Variants in KDM4B observed in about 807,000 individuals in gnomAD.
KDM4B encodes lysine demethylase 4B.
Under a neutral mutation model 125.2 loss-of-function variants are expected in KDM4B, and 32 were observed. The ratio of observed to expected loss-of-function variants is 0.26; its 90% CI spans 0.19 to 0.34. The LOEUF (loss-of-function observed/expected upper bound fraction) is 0.34. Among genes scored for constraint, KDM4B ranks in the 10% least tolerant of loss-of-function variants. The probability of loss-of-function intolerance (pLI) is 1.00; values close to 1 mark genes in which losing one functional copy is unlikely to be tolerated. For missense variants in KDM4B, 1,190 were observed against 1,577.7 expected, an observed-to-expected ratio of 0.75 and a Z score of 4.16; for synonymous variants, 721 against 677.9, an observed-to-expected ratio of 1.06 and a Z score of -0.99.
At position 4,996,043 on chromosome 19, in the gene KDM4B, T is replaced by G. The variant is rs1000812445; in HGVS notation, c.-108-20214T>G. Reference sequence around the variant, plus strand: ...TCTCGCTCTGTCGCCCAGGCTGGCCTGCAGTGGTGTGATCTCAGCTCACCG... The same window carrying G: ...TCTCGCTCTGTCGCCCAGGCTGGCCGGCAGTGGTGTGATCTCAGCTCACCG... On this transcript the variant is annotated intron_variant, in intron 1 of 22. Coordinates refer to ENST00000159111, the MANE Select transcript of KDM4B (RefSeq NM_015015.3). 8.5e-5 allele frequency among the ~76,000 whole-genome samples: 13 copies of G among 152,356 alleles called. No homozygotes were observed. The East Asian group carries it at 2.5e-3, about 29-fold the overall frequency.
intron 2 of KDM4B, among the ~76,000 whole-genome samples, chr19:5,020,296 T>TG (rs1378040360): frequency 1.3e-5 from 2 of 150,720 alleles, no homozygotes; most frequent in African/African-American, 4.9e-5. Context: ...TAGATGTTGG[T>TG]GTGCAGGTGT....
rs2038196957 is a variant in KDM4B at position 5,078,669 on chromosome 19, A to G, written c.780+1199A>G. On this transcript the variant is annotated intron_variant, in intron 8 of 22. Coordinates refer to ENST00000159111, the MANE Select transcript of KDM4B (RefSeq NM_015015.3). The surrounding 1 kb of genome is among the most constrained non-coding windows in gnomAD (Gnocchi z 4.5). The stretch of plus-strand genomic sequence containing the variant: ...TGGTGCTTCCTGGAGGGGGGTGCCC[A>G]TCGAAGGGGTGGGCAGGCAGTGAGT... The G allele has an allele frequency of 6.6e-6, 1 of 152,244 alleles. No homozygotes were observed. Among genetic ancestry groups the G allele is most frequent in the South Asian group, 2.1e-4 (1 of 4,824 alleles). 9.4% of individuals were successfully genotyped at this position (152,244 alleles called of 1,614,324 possible).
Position 5,081,903 on chromosome 19 carries a change from G to A in KDM4B, c.781-464G>A, listed in dbSNP as rs1037629273. On this transcript the variant is annotated intron_variant, in intron 8 of 22. Coordinates refer to ENST00000159111, the MANE Select transcript of KDM4B (RefSeq NM_015015.3). The surrounding 1 kb of genome is among the most constrained non-coding windows in gnomAD (Gnocchi z 4.2). Reference sequence around the variant, plus strand: ...TCTAAAGCTGCTGTCAGCACCACCCGCCCCGAAACCAGCCCCAGCTGCTTC... The same window carrying A: ...TCTAAAGCTGCTGTCAGCACCACCCACCCCGAAACCAGCCCCAGCTGCTTC... 3.9e-5 allele frequency among the ~76,000 whole-genome samples: 6 copies of A among 152,152 alleles called. No homozygotes were observed. The highest frequency in any genetic ancestry group is 9.7e-5 in the African/African-American group (4 of 41,432).
intron 6 of KDM4B, among the ~76,000 whole-genome samples, chr19:5,070,029 G>C (rs1254360819): frequency 6.6e-6 from 1 of 152,114 alleles, no homozygotes; most frequent in Non-Finnish European, 1.5e-5. Context: ...GTCTCGGGGA[G>C]AGACCATATC....
At position 5,090,152 on chromosome 19, in the gene KDM4B, C is replaced by T. The variant is rs556563133; in HGVS notation, c.918+7648C>T. 2.0e-5 allele frequency among the ~76,000 whole-genome samples: 3 copies of T among 152,304 alleles called. No homozygotes were observed. The East Asian group carries it at 5.8e-4, about 29-fold the overall frequency. On this transcript the variant is annotated intron_variant, in intron 9 of 22. Coordinates refer to ENST00000159111, the MANE Select transcript of KDM4B (RefSeq NM_015015.3). ...AGCCCAGCCCAGCATTGCTGAGCGCCTGCCGTGTGCAGGGGAGGGGTCCTA... is the reference window on the plus strand; with the variant it reads ...AGCCCAGCCCAGCATTGCTGAGCGCTTGCCGTGTGCAGGGGAGGGGTCCTA...
At chr19:5,147,543 G>A (rs145658580) in intron 21 of KDM4B, among the ~76,000 whole-genome samples, 99 of 152,134 alleles carry the variant, frequency 6.5e-4, no homozygotes, top group African/African-American at 2.3e-3. Flanking sequence ...ACAGGGGTTC[G>A]AGACCAGCCT....
chr19:5,077,240 C>T (rs1370878253), intron 7 of KDM4B, 127 bp from the exon 8 acceptor site: 13 of 765,148 alleles, frequency 1.7e-5, no homozygotes, highest in Admixed American at 1.1e-4. Context: ...AGATCTGGGC[C>T]GTGCTCTGTG....
intron 15 of KDM4B, among the ~76,000 whole-genome samples, chr19:5,135,885 G>A (rs933346645): frequency 1.3e-5 from 2 of 152,218 alleles, no homozygotes; most frequent in African/African-American, 4.8e-5. Context: ...CCCAGGTGCT[G>A]GCCTCTGGTG....
At chr19:5,123,310 G>A (rs887221301) in intron 11 of KDM4B, among the ~76,000 whole-genome samples, 1 of 152,246 alleles carries the variant, frequency 6.6e-6, no homozygotes, top group Non-Finnish European at 1.5e-5. Context: ...TCACGGTCCA[G>A]GTGTCAGCCG....
chr19:5,036,137 G>A (rs911699998), intron 3 of KDM4B, among the ~76,000 whole-genome samples: 1 of 152,216 alleles, frequency 6.6e-6, no homozygotes, highest in African/African-American at 2.4e-5. Flanking sequence ...GTGCCCTGCT[G>A]GTTCTGAGCG....
At chr19:4,975,985 C>A (rs938147555) in intron 1 of KDM4B, among the ~76,000 whole-genome samples, 1 of 151,396 alleles carries the variant, frequency 6.6e-6, no homozygotes, top group Admixed American at 6.6e-5. Context: ...TGCGGTGGCT[C>A]ACGCCTGTAA....
intron 1 of KDM4B, among the ~76,000 whole-genome samples, chr19:4,993,187 A>G (rs570866686): frequency 1.8e-3 from 271 of 152,258 alleles, no homozygotes; most frequent in African/African-American, 6.1e-3. Flanking sequence ...AGGTGAGTGG[A>G]TCACCTGAGG....
At chr19:5,010,401 G>A (rs925956826) in intron 1 of KDM4B, among the ~76,000 whole-genome samples, 4 of 152,152 alleles carry the variant, frequency 2.6e-5, no homozygotes, top group Admixed American at 6.5e-5. Flanking sequence ...TGGCTGAGGC[G>A]TCGGTCAAGT....
intron 2 of KDM4B, among the ~76,000 whole-genome samples, chr19:5,016,969 G>T (rs1432922573): frequency 6.6e-6 from 1 of 152,238 alleles, no homozygotes; most frequent in Admixed American, 6.5e-5. Context: ...CCAGTGGAGG[G>T]TGTCAAGTGT....
At position 5,035,534 on chromosome 19, in the gene KDM4B, C is replaced by G. The variant is rs12976328; in HGVS notation, c.141+2503C>G. ...GGTTCCCGGGTGGCCTGTCCTCCCC[C>G]GCGCTGGCACCTCCGCTTCGTCCCT... On this transcript the variant is annotated intron_variant, in intron 3 of 22. Coordinates refer to ENST00000159111, the MANE Select transcript of KDM4B (RefSeq NM_015015.3). The surrounding 1 kb of genome is among the most constrained non-coding windows in gnomAD (Gnocchi z 5.3). Among the ~76,000 whole-genome samples the G allele has an allele frequency of 5.3e-5, 8 of 152,108 alleles. No homozygotes were observed. Among genetic ancestry groups the G allele is most frequent in the Non-Finnish European group, 1.0e-4 (7 of 68,002 alleles).
At chr19:5,083,243 C>A (rs773473779) in intron 9 of KDM4B, among the ~76,000 whole-genome samples, 1 of 152,194 alleles carries the variant, frequency 6.6e-6, no homozygotes, top group Non-Finnish European at 1.5e-5. Flanking sequence ...CTCGACCATG[C>A]GGAGGGTGTG....
Position 4,983,049 on chromosome 19 carries a change from C to G in KDM4B, c.-109+13819C>G, listed in dbSNP as rs1369497575. The stretch of plus-strand genomic sequence containing the variant: ...ATTATTACAGTGTATTGTATTGAAC[C>G]CAGTATACCCCCAGTTTTATCATTT... On this transcript the variant is annotated intron_variant, in intron 1 of 22. Transcript: ENST00000159111. Among the ~76,000 whole-genome samples the G allele has an allele frequency of 2.0e-5, 3 of 151,988 alleles. No individual in the cohort carries two copies. In the East Asian group the frequency reaches 5.8e-4, roughly 29 times the overall value.
At chr19:5,004,395 C>T (rs760462852) in intron 1 of KDM4B, among the ~76,000 whole-genome samples, 8 of 152,172 alleles carry the variant, frequency 5.3e-5, no homozygotes, top group Non-Finnish European at 1.0e-4. Flanking sequence ...CCGCGCATCC[C>T]GCCAGCTCCT....
intron 2 of KDM4B, among the ~76,000 whole-genome samples, chr19:5,019,917 G>C (rs1374477379): frequency 2.1e-5 from 3 of 142,748 alleles, no homozygotes; most frequent in African/African-American, 5.4e-5. Context: ...TGTTGGTGTG[G>C]ATGTTGGTGT....
Sources: gnomAD v4.1 joint callset for allele counts (sites outside exome capture counted in the v4.1 genomes callset) on GRCh38, gnomAD v4.1.1 for gene constraint, Gnocchi (gnomAD v3.1) non-coding constraint, MANE v1.5 for transcripts, NCBI Gene and HGNC (gene_info 2026-07-23, HGNC 2026-07-21) for gene names.